Variants in DCDC1 observed in about 807,000 individuals in gnomAD.
The protein encoded by DCDC1 is doublecortin domain-containing protein 1.
DCDC1 carries 200 observed loss-of-function variants against 178.3 expected under a neutral mutation model. The ratio of observed to expected loss-of-function variants is 1.12; its 90% CI spans 1.00 to 1.26. The LOEUF is 1.26. Among genes scored for constraint, DCDC1 ranks in the 50% most tolerant of loss-of-function variants. The pLI, the probability that DCDC1 is intolerant of heterozygous loss-of-function variation, is 0.00. For missense variants in DCDC1, 1,983 were observed against 1,749.2 expected, an observed-to-expected ratio of 1.13 and a Z score of -2.38; for synonymous variants, 690 against 604.8, an observed-to-expected ratio of 1.14 and a Z score of -2.07.
chr11:31,267,786 T>C (rs1362457327), intron 7 of DCDC1, among the ~76,000 whole-genome samples: 1 of 152,240 alleles, frequency 6.6e-6, no homozygotes, highest in Admixed American at 6.5e-5. Flanking sequence ...CTGGAGTTTG[T>C]CTGTGGCTTG....
chr11:30,965,870 C>T (rs1405637549), intron 20 of DCDC1, among the ~76,000 whole-genome samples: 9 of 116,454 alleles, frequency 7.7e-5, no homozygotes, highest in South Asian at 3.2e-4. Context: ...TTTGTTCTTG[C>T]GATAGTTTAC....
chr11:31,266,001 C>T, intron 7 of DCDC1, among the ~76,000 whole-genome samples: 1 of 151,162 alleles, frequency 6.6e-6, no homozygotes, highest in East Asian at 1.9e-4. Flanking sequence ...AGTCTTGCAA[C>T]TTTCTGTATG....
intron 3 of DCDC1, among the ~76,000 whole-genome samples, chr11:31,322,013 A>G (rs1022613324): frequency 6.6e-6 from 1 of 152,222 alleles, no homozygotes; most frequent in Non-Finnish European, 1.5e-5. Flanking sequence ...CTGTCAGATC[A>G]TAGTTATTCC....
At chr11:30,970,209 A>G (rs564890233) in intron 20 of DCDC1, among the ~76,000 whole-genome samples, 1 of 152,142 alleles carries the variant, frequency 6.6e-6, no homozygotes, top group African/African-American at 2.4e-5. Context: ...AGGTCCTGAA[A>G]CTAACATAGT....
At chr11:31,140,152 C>T (rs527583005) in intron 9 of DCDC1, among the ~76,000 whole-genome samples, 3 of 152,262 alleles carry the variant, frequency 2.0e-5, no homozygotes, top group South Asian at 4.1e-4. Context: ...TGAGAATATC[C>T]TGTTTCTTCA....
At chr11:31,017,173 G>C (rs368528243) in intron 20 of DCDC1, among the ~76,000 whole-genome samples, 82 of 152,250 alleles carry the variant, frequency 5.4e-4, no homozygotes, top group Middle Eastern at 3.4e-3. Flanking sequence ...GTATTTTAAA[G>C]TATAGTTGAC....
At chr11:31,342,417 T>G (rs1361525149) in intron 1 of DCDC1, among the ~76,000 whole-genome samples, 1 of 152,214 alleles carries the variant, frequency 6.6e-6, no homozygotes, top group Admixed American at 6.5e-5. Flanking sequence ...TTATGAGCAT[T>G]AAATGAAATG....
intron 1 of DCDC1, among the ~76,000 whole-genome samples, chr11:31,341,424 T>TAGATAGATAGATAGATAGATAGAC (rs1555184029): frequency 6.0e-5 from 9 of 150,452 alleles, no homozygotes; most frequent in African/African-American, 2.0e-4. Flanking sequence ...GATAGATAGA[T>TAGATAGATAGATAGATAGATAGAC]AGATAGATAG....
At chr11:31,346,533 C>T (rs977630468) in intron 1 of DCDC1, among the ~76,000 whole-genome samples, 8 of 151,304 alleles carry the variant, frequency 5.3e-5, no homozygotes, top group African/African-American at 1.9e-4. Flanking sequence ...TATTTAGTTC[C>T]TGATTTGAAC....
intron 9 of DCDC1, among the ~76,000 whole-genome samples, chr11:31,229,904 T>C (rs1199917131): frequency 6.6e-6 from 1 of 152,150 alleles, no homozygotes; most frequent in Non-Finnish European, 1.5e-5. Context: ...GTTAACATCA[T>C]ATTCAACAGT....
chr11:31,077,542 A>C (rs2135557628), intron 18 of DCDC1, among the ~76,000 whole-genome samples: 1 of 152,310 alleles, frequency 6.6e-6, no homozygotes. Flanking sequence ...AGACATGTTC[A>C]ACAGTAGTAG....
intron 11 of DCDC1, among the ~76,000 whole-genome samples, chr11:31,110,922 AGTT>A (rs1959160572): frequency 6.6e-6 from 1 of 152,198 alleles, no homozygotes; most frequent in South Asian, 2.1e-4. Flanking sequence ...ATATCCAAAA[AGTT>A]GTTGAGAACA....
At chr11:31,119,147 G>C (rs1489492527) in intron 11 of DCDC1, among the ~76,000 whole-genome samples, 1 of 152,106 alleles carries the variant, frequency 6.6e-6, no homozygotes, top group Non-Finnish European at 1.5e-5. Context: ...TATCACATGA[G>C]ATGTGTAAAG....
intron 4 of DCDC1, 137 bp from the exon 5 acceptor site, chr11:31,306,525 T>G (rs1181070059): frequency 1.4e-5 from 12 of 831,698 alleles, no homozygotes; most frequent in African/African-American, 3.6e-5. Context: ...CTAACAAAAC[T>G]TTTTATAGGA....
At chr11:30,892,456 G>C (rs556802114) in intron 36 of DCDC1, among the ~76,000 whole-genome samples, 30 of 152,074 alleles carry the variant, frequency 2.0e-4, no homozygotes, top group Non-Finnish European at 3.7e-4. Flanking sequence ...CTGGGTGACA[G>C]AGTGAGACTC....
chr11:31,090,788 A>G (rs77529681), intron 17 of DCDC1, among the ~76,000 whole-genome samples: 2,661 of 152,302 alleles, frequency 0.017, 84 homozygotes, highest in African/African-American at 0.061. Context: ...GAGGTATGAT[A>G]GAAATTGTTT....
chr11:31,026,871 T>C (rs1338087782), intron 20 of DCDC1, among the ~76,000 whole-genome samples: 3 of 151,820 alleles, frequency 2.0e-5, no homozygotes, highest in South Asian at 4.1e-4. Flanking sequence ...ATTCATTTGC[T>C]ATACTTTGTT....
intron 23 of DCDC1, among the ~76,000 whole-genome samples, chr11:30,923,071 G>A (rs1946354394): frequency 1.3e-5 from 2 of 151,574 alleles, no homozygotes; most frequent in South Asian, 4.2e-4. Context: ...GAAGGAAGGA[G>A]TAAATTACAG....
intron 9 of DCDC1, among the ~76,000 whole-genome samples, chr11:31,234,740 T>C (rs185278622): frequency 6.6e-6 from 1 of 152,156 alleles, no homozygotes; most frequent in Admixed American, 6.5e-5. Flanking sequence ...GGGCCCAGGA[T>C]GTTGACAGAA....
Sources: allele counts gnomAD v4.1 joint callset (sites outside exome capture counted in the v4.1 genomes callset), GRCh38; gene constraint gnomAD v4.1.1; transcripts MANE v1.5; gene names NCBI Gene and HGNC (gene_info 2026-07-23, HGNC 2026-07-21).